MS4A15: variants seen among roughly 807,000 people sequenced by gnomAD.
MS4A15 encodes the protein membrane spanning 4-domains A15.
Under a neutral mutation model 20.6 loss-of-function variants are expected in MS4A15, and 22 were observed. The ratio of observed to expected loss-of-function variants is 1.07; its 90% CI spans 0.76 to 1.52. The LOEUF is 1.52. Among genes scored for constraint, MS4A15 ranks in the 40% most tolerant of loss-of-function variants. MS4A15 has a pLI of 0.00. For missense variants in MS4A15, 312 were observed against 323.0 expected (o/e 0.97, Z 0.26); for synonymous variants, 129 against 129.3 (o/e 1.00, Z 0.02).
At chr11:60,767,429 G>A in intron 2 of MS4A15, 104 bp from the exon 3 acceptor site, 2 of 1,322,492 alleles carry the variant, frequency 1.5e-6, no homozygotes, top group Non-Finnish European at 2.0e-6. Context: ...TTTCCCAGTG[G>A]CCAACAAGCG....
intron 6 of MS4A15, 150 bp from the exon 7 acceptor site, chr11:60,775,455 G>T (rs1241097368): frequency 1.1e-5 from 7 of 628,946 alleles, no homozygotes; most frequent in Non-Finnish European, 2.0e-5. Context: ...TTGAAATATT[G>T]GTTGCACGGA....
chr11:60,765,477 G>A (rs1348158966), intron 2 of MS4A15, among the ~76,000 whole-genome samples: 2 of 152,080 alleles, frequency 1.3e-5, no homozygotes, highest in African/African-American at 2.4e-5. Context: ...AGAGGTGCAC[G>A]TACTGTGCCG....
intron 4 of MS4A15, chr11:60,771,852 G>A: frequency 9.9e-7 from 1 of 1,014,592 alleles, no homozygotes; most frequent in Non-Finnish European, 1.3e-6. Context: ...TGCAGGCACT[G>A]GGAGGCGATG....
intron 2 of MS4A15, 38 bp from the exon 3 acceptor site, chr11:60,767,495 A>C: frequency 6.8e-7 from 1 of 1,470,472 alleles, no homozygotes; most frequent in Non-Finnish European, 9.1e-7. Flanking sequence ...GCGGTGTGGA[A>C]CAGGGCCCGC....
At chr11:60,771,369 C>A in intron 4 of MS4A15, 22 bp downstream of exon 4, 1 of 1,613,972 alleles carries the variant, frequency 6.2e-7, no homozygotes. Context: ...CAGGGGGACC[C>A]AGGGGCGGGG....
chr11:60,773,567 G>A (rs1224810136), intron 5 of MS4A15, 83 bp downstream of exon 5: 3 of 1,298,138 alleles, frequency 2.3e-6, no homozygotes, highest in African/African-American at 2.9e-5. Flanking sequence ...GTGAGAGTTT[G>A]CAGCGCCAGG....
intron 2 of MS4A15, among the ~76,000 whole-genome samples, chr11:60,765,796 C>T (rs1853870620): frequency 6.6e-6 from 1 of 151,506 alleles, no homozygotes; most frequent in Non-Finnish European, 1.5e-5. Flanking sequence ...AAGGGCCACA[C>T]AGCCACTGAC....
chr11:60,760,377 T>G (rs1200116330), intron 1 of MS4A15, among the ~76,000 whole-genome samples: 34 of 152,228 alleles, frequency 2.2e-4, no homozygotes, highest in Admixed American at 2.1e-3. Flanking sequence ...CCCTTTTTCC[T>G]TAGGACTTGG....
chr11:60,763,713 T>C lies in MS4A15; in HGVS notation c.-21T>C. 1 of 1,610,764 alleles carries C rather than the reference T, an allele frequency of 6.2e-7. No individual in the cohort carries two copies. On this transcript the variant is annotated 5_prime_UTR_variant, in exon 2 of 7. Transcript: ENST00000405633. ...CCATTATTATCTCCCAAGCCTTTGT[T>C]TCCCAGGCTCTCTGAGCACGATGTC... is the stretch of plus-strand genomic sequence containing the variant.
At chr11:60,769,920 C>G (rs1003943426) in intron 3 of MS4A15, among the ~76,000 whole-genome samples, 6 of 152,162 alleles carry the variant, frequency 3.9e-5, no homozygotes, top group African/African-American at 1.4e-4. Flanking sequence ...CGTGTCACCC[C>G]AGGGCCTCCT....
intron 2 of MS4A15, among the ~76,000 whole-genome samples, chr11:60,766,038 T>G (rs1158726464): frequency 9.9e-5 from 15 of 152,240 alleles, no homozygotes. Flanking sequence ...GGCAAGTTAC[T>G]GAACATCTCT....
At chr11:60,763,658 C>A (rs1423405032) in intron 1 of MS4A15, 48 bp from the exon 2 acceptor site, 8 of 1,520,326 alleles carry the variant, frequency 5.3e-6, no homozygotes, top group Non-Finnish European at 7.2e-6. Flanking sequence ...AACTAAAAAG[C>A]TTTATGCACA....
At chr11:60,772,120 C>T (rs1000304778) in intron 4 of MS4A15, among the ~76,000 whole-genome samples, 2 of 152,112 alleles carry the variant, frequency 1.3e-5, no homozygotes, top group Non-Finnish European at 2.9e-5. Context: ...GCAGGTATCA[C>T]GGAACCGAGT....
intron 2 of MS4A15, among the ~76,000 whole-genome samples, chr11:60,766,836 G>T (rs530988749): frequency 6.6e-6 from 1 of 152,372 alleles, no homozygotes; most frequent in South Asian, 2.1e-4. Context: ...GAGTCCCCGT[G>T]AAAGTCACGG....
intron 1 of MS4A15, among the ~76,000 whole-genome samples, chr11:60,758,594 A>T (rs1853648475): frequency 6.6e-6 from 1 of 152,258 alleles, no homozygotes; most frequent in Admixed American, 6.5e-5. Context: ...CTAACCAGGC[A>T]TATGGCAAAA....
At chr11:60,766,415 C>T (rs1853886169) in intron 2 of MS4A15, among the ~76,000 whole-genome samples, 1 of 152,230 alleles carries the variant, frequency 6.6e-6, no homozygotes, top group Non-Finnish European at 1.5e-5. Flanking sequence ...TAACCTACCT[C>T]TTCTCATTAG....
intron 4 of MS4A15, among the ~76,000 whole-genome samples, chr11:60,772,490 T>C (rs1854068322): frequency 6.6e-6 from 1 of 152,182 alleles, no homozygotes. Flanking sequence ...TCTCCTGGAC[T>C]CACAGCACTT....
rs747351432 is a variant in MS4A15, at chr11:60,771,360, A to G, written c.405+13A>G. 1.2e-6 allele frequency: 2 copies of G among 1,608,684 alleles called. No homozygotes were observed. The highest frequency in any genetic ancestry group is 1.7e-6 in the Non-Finnish European group (2 of 1,179,934). On this transcript the variant is annotated intron_variant, in intron 4 of 6. Transcript: ENST00000405633. The stretch of plus-strand genomic sequence containing the variant: ...CACCAGTTGCCTGGTGAGTGTGAAC[A>G]GGGGGACCCAGGGGCGGGGATGAAG...
intron 4 of MS4A15, among the ~76,000 whole-genome samples, chr11:60,772,094 G>A (rs903381798): frequency 7.9e-5 from 12 of 152,138 alleles, no homozygotes; most frequent in African/African-American, 2.4e-4. Flanking sequence ...CAGCTGGGAC[G>A]GTCTGGAGTC....
Sources: allele counts gnomAD v4.1 joint callset (sites outside exome capture counted in the v4.1 genomes callset), GRCh38; gene constraint gnomAD v4.1.1; transcripts MANE v1.5; gene names NCBI Gene and HGNC (gene_info 2026-07-23, HGNC 2026-07-21).